RCBTB2: variants seen among roughly 807,000 people sequenced by gnomAD.
The protein encoded by RCBTB2 is RCC1 and BTB domain containing protein 2.
RCBTB2 carries 55 observed loss-of-function variants against 65.4 expected under a neutral mutation model. The observed-to-expected ratio is 0.84, with a 90% CI of 0.68 to 1.05. The LOEUF is 1.05. Ranked by LOEUF, RCBTB2 falls within the 50% of genes least tolerant of loss-of-function variation. RCBTB2 has a pLI of 0.00. For missense variants in RCBTB2, 599 were observed against 680.1 expected, an observed-to-expected ratio of 0.88 and a Z score of 1.33; for synonymous variants, 220 against 255.2, an observed-to-expected ratio of 0.86 and a Z score of 1.31.
chr13:48,504,241 T>A, intron 10 of RCBTB2: 10 of 985,438 alleles, frequency 1.0e-5, no homozygotes, highest in Non-Finnish European at 1.2e-5. Flanking sequence ...GCTGGCAGGT[T>A]AATCATCCTC....
rs181447182 is a variant in RCBTB2, at chr13:48,529,516, A to G, written c.-219+3512T>C. On this transcript the variant is annotated intron_variant, in intron 1 of 14. Transcript: ENST00000344532. ...AAACATCTTCCATAGGGAGATATAC[A>G]TAAGAGATATTAGCTCAGGCCAATT... 1.1e-4 allele frequency among the ~76,000 whole-genome samples: 16 copies of G among 152,354 alleles called. No homozygotes were observed. In the East Asian group the frequency reaches 3.1e-3, roughly 29 times the overall value.
chr13:48,507,489 T>C (rs1950563020), intron 10 of RCBTB2, among the ~76,000 whole-genome samples: 1 of 152,190 alleles, frequency 6.6e-6, no homozygotes, highest in African/African-American at 2.4e-5. Flanking sequence ...AAAAAATCAC[T>C]ACATGTTGAT....
intron 1 of RCBTB2, among the ~76,000 whole-genome samples, chr13:48,531,400 A>G (rs1348790452): frequency 6.6e-6 from 1 of 152,252 alleles, no homozygotes; most frequent in Admixed American, 6.5e-5. Flanking sequence ...GATGGTGATT[A>G]AGTGCTACAA....
At chr13:48,520,481 C>T (rs1331256703) in intron 4 of RCBTB2, among the ~76,000 whole-genome samples, 6 of 152,236 alleles carry the variant, frequency 3.9e-5, no homozygotes, top group Non-Finnish European at 5.9e-5. Context: ...AATAACACTA[C>T]TGCAGGTGAT....
chr13:48,524,503 G>C (rs1192182733), intron 2 of RCBTB2, among the ~76,000 whole-genome samples, 156 bp downstream of exon 2: 1 of 152,200 alleles, frequency 6.6e-6, no homozygotes, highest in Non-Finnish European at 1.5e-5. Flanking sequence ...ATCAGTGTCA[G>C]AGCCAGTATT....
intron 14 of RCBTB2, among the ~76,000 whole-genome samples, chr13:48,493,259 A>ACACACACACACACT: frequency 8.2e-6 from 1 of 121,752 alleles, no homozygotes. Flanking sequence ...ACACACACAC[A>ACACACACACACACT]CTCTTCTCTC....
intron 4 of RCBTB2, among the ~76,000 whole-genome samples, chr13:48,520,991 T>C (rs774575988): frequency 1.3e-5 from 2 of 152,154 alleles, no homozygotes; most frequent in Non-Finnish European, 2.9e-5. Flanking sequence ...TAACACTTTG[T>C]ATATATATTT....
intron 4 of RCBTB2, among the ~76,000 whole-genome samples, chr13:48,517,387 G>A (rs1010096524): frequency 3.9e-5 from 6 of 152,110 alleles, no homozygotes; most frequent in African/African-American, 9.7e-5. Context: ...TCCTTCACAC[G>A]GAAGCCATTC....
intron 1 of RCBTB2, among the ~76,000 whole-genome samples, chr13:48,525,638 C>T (rs1951686610): frequency 1.3e-5 from 2 of 151,672 alleles, no homozygotes; most frequent in African/African-American, 4.8e-5. Context: ...AGCAACACTG[C>T]CCTAGATAAA....
rs766784428 is a variant in RCBTB2 at position 48,502,799 on chromosome 13, T to G, written c.1042A>C (p.Thr348Pro). 1.9e-6 allele frequency: 3 copies of G among 1,613,824 alleles called. No individual in the cohort carries two copies. The highest frequency in any genetic ancestry group is 2.5e-6 in the Non-Finnish European group (3 of 1,179,964). Residue 348 changes from threonine (T) to proline (P), a missense_variant, in exon 11 of 15, where the codon ACC (threonine) becomes CCC (proline). Thr to Pro is a conservative substitution (Grantham distance 38). Transcript: ENST00000344532. ...RGQSVILPHL[T>P]HFSCTDDVFA... ...ACGTCGTCAGTGCAGGAGAAGTGGG[T>G]GAGGTGCGGGAGGATCACGGACTGA...
intron 14 of RCBTB2, among the ~76,000 whole-genome samples, chr13:48,491,188 C>T (rs7323517): frequency 0.056 from 8,473 of 152,152 alleles, 799 homozygotes; most frequent in African/African-American, 0.19. Context: ...ACATTACACA[C>T]GATAGTCTTT....
intron 2 of RCBTB2, 73 bp from the exon 3 acceptor site, chr13:48,522,476 G>A (rs769593070): frequency 5.8e-5 from 43 of 735,586 alleles, no homozygotes; most frequent in Middle Eastern, 3.5e-4. Context: ...TTGTTATTCT[G>A]GACTTAATGA....
At chr13:48,517,957 A>G (rs1008523547) in intron 4 of RCBTB2, among the ~76,000 whole-genome samples, 5 of 152,202 alleles carry the variant, frequency 3.3e-5, no homozygotes, top group Non-Finnish European at 4.4e-5. Context: ...GAGGGCACAC[A>G]GTGATGCACA....
chr13:48,508,410 A>ATTTTTTTTTT (rs1950609781), intron 10 of RCBTB2, among the ~76,000 whole-genome samples: 2 of 148,734 alleles, frequency 1.3e-5, no homozygotes, highest in African/African-American at 5.1e-5. Flanking sequence ...ACATTCATCC[A>ATTTTTTTTTT]TGTTTTTTTT....
intron 1 of RCBTB2, chr13:48,532,789 C>A (rs1047828292): frequency 9.5e-6 from 3 of 315,740 alleles, no homozygotes; most frequent in African/African-American, 4.7e-5. Context: ...GCGGCCTGGG[C>A]TGGGTGTAGC....
chr13:48,520,377 T>C (rs757111197), intron 4 of RCBTB2, among the ~76,000 whole-genome samples: 3 of 152,104 alleles, frequency 2.0e-5, no homozygotes, highest in Non-Finnish European at 4.4e-5. Context: ...AAAATCTGTA[T>C]GGGGAAAAAA....
chr13:48,504,598 C>T (rs889246473), intron 10 of RCBTB2, among the ~76,000 whole-genome samples: 13 of 152,164 alleles, frequency 8.5e-5, no homozygotes, highest in African/African-American at 2.9e-4. Flanking sequence ...TTTATGCATC[C>T]GTTTCACCTG....
At chr13:48,530,460 C>T (rs1952050669) in intron 1 of RCBTB2, among the ~76,000 whole-genome samples, 1 of 152,214 alleles carries the variant, frequency 6.6e-6, no homozygotes, top group African/African-American at 2.4e-5. Context: ...CTCCATCACC[C>T]TCTTTCTCTA....
In RCBTB2 at chr13:48,522,349, G is replaced by A. The variant is rs182281411; in HGVS notation, c.-65C>T. On this transcript the variant is annotated 5_prime_UTR_variant, in exon 3 of 15. Transcript: ENST00000344532. Reference sequence around the variant, plus strand: ...CTGGGATTGGAAAGTTCCAAATCACGGGGAAGAGCGGACATCAATTCTCAG... The same window carrying A: ...CTGGGATTGGAAAGTTCCAAATCACAGGGAAGAGCGGACATCAATTCTCAG... 3.9e-4 allele frequency: 599 copies of A among 1,528,308 alleles called. 3 individuals carry two copies. In the African/African-American group the frequency reaches 4.6e-3, roughly 12 times the overall value. The allele number at this position is 1,528,308 out of a possible 1,614,324, so 94.7% of individuals were successfully genotyped here. A position where few individuals can be genotyped will look rare whatever the true frequency, so the allele number is the denominator to read the frequency against.
Sources: allele counts gnomAD v4.1 joint callset (sites outside exome capture counted in the v4.1 genomes callset), GRCh38; gene constraint gnomAD v4.1.1; transcripts MANE v1.5; gene names NCBI Gene and HGNC (gene_info 2026-07-23, HGNC 2026-07-21).